Variants in RIT2 observed in about 807,000 individuals in gnomAD.
The protein encoded by RIT2 is Ras like without CAAX 2, also known as GTP-binding protein Rit2.
RIT2 carries 24 observed loss-of-function variants against 23.7 expected under a neutral mutation model. That is an observed-to-expected ratio of 1.01 (90% CI 0.73 to 1.43). The LOEUF is 1.43. RIT2 is among the 40% of genes most tolerant of loss of function. RIT2 has a pLI of 0.00. For missense variants in RIT2, 236 were observed against 266.9 expected, an observed-to-expected ratio of 0.88 and a Z score of 0.81; for synonymous variants, 107 against 91.1, an observed-to-expected ratio of 1.17 and a Z score of -0.99.
intron 4 of RIT2, among the ~76,000 whole-genome samples, chr18:42,810,092 T>C (rs1296888443): frequency 6.8e-6 from 1 of 147,844 alleles, no homozygotes; most frequent in Non-Finnish European, 1.5e-5. Flanking sequence ...ATATATTAAA[T>C]TATCAAAACT....
intron 1 of RIT2, among the ~76,000 whole-genome samples, chr18:43,100,933 TTG>T (rs928062371): frequency 5.3e-5 from 8 of 151,540 alleles, no homozygotes; most frequent in African/African-American, 9.7e-5. Flanking sequence ...TCTTTTCCTT[TTG>T]TGTGTGTATG....
At chr18:42,980,966 CAT>C (rs1361040005) in intron 2 of RIT2, among the ~76,000 whole-genome samples, 4 of 152,168 alleles carry the variant, frequency 2.6e-5, no homozygotes, top group Non-Finnish European at 5.9e-5. Flanking sequence ...GTGTGTCTCT[CAT>C]ATGTTAGAAA....
chr18:43,009,407 C>T (rs1460370082), intron 2 of RIT2, among the ~76,000 whole-genome samples: 1 of 151,652 alleles, frequency 6.6e-6, no homozygotes, highest in Non-Finnish European at 1.5e-5. Context: ...CTTCTGCACT[C>T]TCAGGTCCTA....
intron 1 of RIT2, among the ~76,000 whole-genome samples, chr18:43,073,774 T>A (rs1199313099): frequency 9.2e-5 from 14 of 152,154 alleles, no homozygotes; most frequent in Admixed American, 5.9e-4. Flanking sequence ...TGGTTTCCAC[T>A]AACCATAAAA....
chr18:42,814,574 G>A (rs1390307634), intron 4 of RIT2, among the ~76,000 whole-genome samples: 1 of 152,158 alleles, frequency 6.6e-6, no homozygotes, highest in Non-Finnish European at 1.5e-5. Flanking sequence ...ACCTGCCCAA[G>A]AAGAGTCTGA....
At chr18:43,095,843 T>C (rs1287202638) in intron 1 of RIT2, among the ~76,000 whole-genome samples, 1 of 151,942 alleles carries the variant, frequency 6.6e-6, no homozygotes, top group Admixed American at 6.6e-5. Flanking sequence ...AATATGGATG[T>C]TAAAAAATCT....
intron 1 of RIT2, among the ~76,000 whole-genome samples, chr18:43,089,113 AG>A (rs1913356892): frequency 6.6e-6 from 1 of 152,096 alleles, no homozygotes; most frequent in African/African-American, 2.4e-5. Flanking sequence ...CAGGGCAATC[AG>A]GCAAGAGAAA....
chr18:42,974,123 C>G lies in RIT2; in HGVS notation c.185G>C (p.Arg62Thr). Residue 62 changes from arginine to threonine, a missense_variant, in exon 3 of 5, where the codon AGG (arginine) becomes ACG (threonine). Arg to Thr is a moderately conservative substitution (Grantham distance 71, BLOSUM62 -1). Transcript: ENST00000326695. ...CAAGTAAGCTGGCTCATTGTCAATC[C>G]TGACCTGGGTCTTATAAGCATCTTC... ...TIEDAYKTQV[R>T]IDNEPAYLDI... is the part of the protein sequence containing the mutation. 2 of 1,611,476 alleles carry G rather than the reference C, an allele frequency of 1.2e-6. No homozygotes were observed. The highest frequency in any genetic ancestry group is 8.5e-7 in the Non-Finnish European group (1 of 1,178,374).
intron 1 of RIT2, among the ~76,000 whole-genome samples, chr18:43,076,370 G>T (rs1274487927): frequency 6.6e-6 from 1 of 151,862 alleles, no homozygotes; most frequent in African/African-American, 2.4e-5. Context: ...CTCTCAGTAA[G>T]TATTTATTGA....
At chr18:43,094,454 A>C (rs1376446221) in intron 1 of RIT2, among the ~76,000 whole-genome samples, 1 of 151,932 alleles carries the variant, frequency 6.6e-6, no homozygotes, top group African/African-American at 2.4e-5. Context: ...ATTACTTTGA[A>C]TTCAGTGAAT....
intron 3 of RIT2, among the ~76,000 whole-genome samples, chr18:42,940,061 C>T (rs1009078230): frequency 2.6e-5 from 4 of 151,382 alleles, no homozygotes; most frequent in African/African-American, 4.9e-5. Flanking sequence ...CAGCCAAAGC[C>T]GAATAACAAT....
intron 2 of RIT2, among the ~76,000 whole-genome samples, chr18:43,000,090 T>C (rs536901648): frequency 5.9e-5 from 9 of 152,192 alleles, no homozygotes; most frequent in East Asian, 1.9e-4. Flanking sequence ...TGACTTGCAA[T>C]CTCAGTTGAC....
rs546390371 is a variant in RIT2, at chr18:43,001,410, A to G, written c.161-27263T>C. ...TAGCTCTATATAAGGAAAAAAATGT[A>G]TAAGCAAGATGTTCATATATAGGCC... On this transcript the variant is annotated intron_variant, in intron 2 of 4. Transcript: ENST00000326695. Among the ~76,000 whole-genome samples the G allele has an allele frequency of 4.6e-5, 7 of 152,136 alleles. No homozygotes were observed. The East Asian group carries it at 1.4e-3, about 30-fold the overall frequency.
intron 2 of RIT2, among the ~76,000 whole-genome samples, chr18:42,988,443 T>C (rs1910765850): frequency 6.6e-6 from 1 of 152,166 alleles, no homozygotes; most frequent in Non-Finnish European, 1.5e-5. Flanking sequence ...TCATATTGAG[T>C]AAATACATTT....
At chr18:42,816,976 G>A (rs1284270941) in intron 4 of RIT2, among the ~76,000 whole-genome samples, 1 of 152,156 alleles carries the variant, frequency 6.6e-6, no homozygotes, top group African/African-American at 2.4e-5. Flanking sequence ...CTGGGGTAGG[G>A]TCTGAGAATC....
At chr18:42,942,371 CCT>C (rs1310148309) in intron 3 of RIT2, among the ~76,000 whole-genome samples, 3 of 152,090 alleles carry the variant, frequency 2.0e-5, no homozygotes, top group Non-Finnish European at 4.4e-5. Context: ...GTATCGGAAG[CCT>C]CTCTCCACTC....
intron 4 of RIT2, among the ~76,000 whole-genome samples, chr18:42,759,487 A>G (rs1488635570): frequency 6.6e-6 from 1 of 152,128 alleles, no homozygotes; most frequent in Non-Finnish European, 1.5e-5. Context: ...CTCTTTGTCT[A>G]GAACACAAAA....
rs553048795 is a variant in RIT2, at chr18:42,926,885, T to C, written c.235-3122A>G. Among the ~76,000 whole-genome samples the C allele has an allele frequency of 5.9e-5, 9 of 152,038 alleles. No individual in the cohort carries two copies. In the South Asian group the frequency reaches 1.9e-3, roughly 32 times the overall value. ...CAGAAGCAGAGAAAGACAGTCATAGTACATGACCTCTAGGACTGTTACTTA... is the reference window on the plus strand; with the variant it reads ...CAGAAGCAGAGAAAGACAGTCATAGCACATGACCTCTAGGACTGTTACTTA... On this transcript the variant is annotated intron_variant, in intron 3 of 4. Coordinates refer to ENST00000326695, the MANE Select transcript of RIT2 (RefSeq NM_002930.4).
At chr18:43,085,220 TAATA>T (rs1022992132) in intron 1 of RIT2, among the ~76,000 whole-genome samples, 3 of 152,066 alleles carry the variant, frequency 2.0e-5, no homozygotes, top group African/African-American at 7.2e-5. Flanking sequence ...AATTTTTATT[TAATA>T]AATAATAATT....
Sources: gnomAD v4.1 joint callset for allele counts (sites outside exome capture counted in the v4.1 genomes callset) on GRCh38, gnomAD v4.1.1 for gene constraint, MANE v1.5 for transcripts, NCBI Gene and HGNC (gene_info 2026-07-23, HGNC 2026-07-21) for gene names.